USH1C: variants seen among roughly 807,000 people sequenced by gnomAD.
The protein encoded by USH1C is harmonin.
USH1C carries 90 observed loss-of-function variants against 119.3 expected under a neutral mutation model. The observed-to-expected ratio is 0.75, with a 90% CI of 0.64 to 0.90. The LOEUF (loss-of-function observed/expected upper bound fraction) is 0.90. USH1C is among the 40% of genes least tolerant of loss of function. The pLI, the probability that USH1C is intolerant of heterozygous loss-of-function variation, is 0.00. For missense variants in USH1C, 1,165 were observed against 1,167.7 expected (o/e 1.00, Z 0.03); for synonymous variants, 465 against 443.3 (o/e 1.05, Z -0.62).
intron 26 of USH1C, chr11:17,494,945 G>A: frequency 4.6e-6 from 1 of 218,722 alleles, no homozygotes; most frequent in Non-Finnish European, 9.2e-6. Context: ...AAGGAAGGGA[G>A]AAGGCAGAGA....
intron 23 of USH1C, among the ~76,000 whole-genome samples, chr11:17,499,319 G>A (rs1159747340): frequency 1.3e-5 from 2 of 152,210 alleles, no homozygotes; most frequent in African/African-American, 2.4e-5. Context: ...TAAAACACAC[G>A]TGCTCCTAGG....
At chr11:17,536,786 T>C (rs1485582246) in intron 1 of USH1C, among the ~76,000 whole-genome samples, 2 of 152,270 alleles carry the variant, frequency 1.3e-5, no homozygotes, top group Admixed American at 6.5e-5. Flanking sequence ...ACTCAGAACA[T>C]TCCATCTACC....
chr11:17,517,279 C>T, intron 14 of USH1C: 1 of 1,026,270 alleles, frequency 9.7e-7, no homozygotes, highest in African/African-American at 1.6e-5. Context: ...AGGAGCTTTA[C>T]AGACTCTATT....
rs150331221 is a variant in USH1C at position 17,541,488 on chromosome 11, C to G, written c.36+2784G>C. On this transcript the variant is annotated intron_variant, in intron 1 of 26. Coordinates refer to ENST00000005226, the MANE Select transcript of USH1C (RefSeq NM_153676.4). ...GATGCCTGGCCTCAGGCAGAATACA[C>G]AGCTATGCTCATAAATGCATGATTG... 3.6e-3 allele frequency among the ~76,000 whole-genome samples: 543 copies of G among 152,350 alleles called. 6 individuals carry two copies. The highest frequency in any genetic ancestry group is 0.013 in the African/African-American group (525 of 41,584).
intron 1 of USH1C, among the ~76,000 whole-genome samples, chr11:17,539,911 C>T (rs1234502098): frequency 1.3e-5 from 2 of 150,534 alleles, no homozygotes; most frequent in Non-Finnish European, 3.0e-5. Flanking sequence ...CAGCTCACTG[C>T]AGCCTCAACC....
chr11:17,534,622 C>T (rs1293876730), intron 1 of USH1C, among the ~76,000 whole-genome samples: 2 of 152,186 alleles, frequency 1.3e-5, no homozygotes, highest in South Asian at 2.1e-4. Flanking sequence ...CGCCTATAAT[C>T]CCAGCACTTT....
intron 18 of USH1C, among the ~76,000 whole-genome samples, chr11:17,507,347 G>A (rs1239810207): frequency 6.6e-6 from 1 of 152,174 alleles, no homozygotes; most frequent in Non-Finnish European, 1.5e-5. Flanking sequence ...CTTGTGTTGG[G>A]GGGCTTTTAA....
At chr11:17,512,105 C>G in intron 15 of USH1C, 51 bp from the exon 16 acceptor site, 1 of 1,595,780 alleles carries the variant, frequency 6.3e-7, no homozygotes, top group Non-Finnish European at 8.6e-7. Context: ...ATAGTGTCGA[C>G]AGCACAGCAC....
chr11:17,540,910 T>G (rs1178301636), intron 1 of USH1C, among the ~76,000 whole-genome samples: 3 of 152,152 alleles, frequency 2.0e-5, no homozygotes, highest in African/African-American at 7.2e-5. Context: ...AAGAAAATCC[T>G]GACCTGACCA....
chr11:17,533,159 C>A, intron 2 of USH1C, 96 bp downstream of exon 2: 1 of 894,876 alleles, frequency 1.1e-6, no homozygotes, highest in South Asian at 1.3e-5. Flanking sequence ...GAGCATCCAC[C>A]CTCTGAGCTC....
At chr11:17,501,017 T>A in intron 23 of USH1C, 34 bp downstream of exon 23, 1 of 1,587,574 alleles carries the variant, frequency 6.3e-7, no homozygotes, top group Non-Finnish European at 8.6e-7. Context: ...CACTGTATCA[T>A]CCCCAAACCT....
chr11:17,512,455 TAAA>T (rs1252307979), intron 15 of USH1C, among the ~76,000 whole-genome samples: 1 of 152,098 alleles, frequency 6.6e-6, no homozygotes, highest in African/African-American at 2.4e-5. Flanking sequence ...AAAAATAAAA[TAAA>T]AAAATAAATA....
Position 17,501,988 on chromosome 11 carries a change from C to G in USH1C, c.2185-8G>C, listed in dbSNP as rs1318917179. On this transcript the variant is annotated splice_region_variant and splice_polypyrimidine_tract_variant and intron_variant, in intron 20 of 26. Coordinates refer to ENST00000005226, the MANE Select transcript of USH1C (RefSeq NM_153676.4). ...CTCATATTTCCGGAAATCCTGGAAG[C>G]AAAGGGAGGGCTTTAGGGCAACACA... The G allele has an allele frequency of 1.2e-6, 2 of 1,613,262 alleles. No individual in the cohort carries two copies. The highest frequency in any genetic ancestry group is 8.5e-7 in the Non-Finnish European group (1 of 1,179,706).
At chr11:17,512,250 A>G (rs1404126501) in intron 15 of USH1C, among the ~76,000 whole-genome samples, 196 bp from the exon 16 acceptor site, 2 of 152,108 alleles carry the variant, frequency 1.3e-5, no homozygotes, top group East Asian at 3.9e-4. Context: ...TGGGAGACAC[A>G]TTCTCTTTAC....
At chr11:17,513,530 T>G (rs572262519) in intron 15 of USH1C, among the ~76,000 whole-genome samples, 1 of 152,086 alleles carries the variant, frequency 6.6e-6, no homozygotes, top group Non-Finnish European at 1.5e-5. Context: ...GACACACACC[T>G]CTGTGTACTG....
At chr11:17,499,527 C>T (rs993692183) in intron 23 of USH1C, among the ~76,000 whole-genome samples, 4 of 152,176 alleles carry the variant, frequency 2.6e-5, no homozygotes, top group Non-Finnish European at 5.9e-5. Context: ...GAGAGTCACC[C>T]ATCCATCCTG....
rs775496999 is a variant in USH1C, at chr11:17,526,346, C to A, written c.674+1G>T. On this transcript the variant is annotated splice_donor_variant, in intron 8 of 26. Transcript: ENST00000005226. LOFTEE classifies it high-confidence loss of function. ...GACCCCAGGGCATGCCTGCCACCCACCTGCAGCCAAGGCCTCGGGAGCCTA... is the reference window on the plus strand; with the variant it reads ...GACCCCAGGGCATGCCTGCCACCCAACTGCAGCCAAGGCCTCGGGAGCCTA... 1 of 1,613,224 alleles carries A rather than the reference C, an allele frequency of 6.2e-7. No homozygotes were observed. Among genetic ancestry groups the A allele is most frequent in the South Asian group, 1.1e-5 (1 of 91,062 alleles).
intron 21 of USH1C, 52 bp from the exon 22 acceptor site, chr11:17,501,587 T>G (rs891062796): frequency 1.9e-6 from 3 of 1,580,530 alleles, no homozygotes; most frequent in Non-Finnish European, 2.6e-6. Context: ...AGGATGGCGC[T>G]TGGGGTAGGG....
chr11:17,507,188 G>A (rs892721049), intron 18 of USH1C, among the ~76,000 whole-genome samples: 4 of 152,338 alleles, frequency 2.6e-5, no homozygotes, highest in African/African-American at 9.6e-5. Flanking sequence ...CTTGCCAGGG[G>A]CATGCAGGGA....
Sources: allele counts gnomAD v4.1 joint callset (sites outside exome capture counted in the v4.1 genomes callset), GRCh38; gene constraint gnomAD v4.1.1; transcripts MANE v1.5; gene names NCBI Gene and HGNC (gene_info 2026-07-23, HGNC 2026-07-21).